Variants in TNS1 observed in about 807,000 individuals in gnomAD.
The protein encoded by TNS1 is tensin-1.
A neutral mutation model predicts 168.6 loss-of-function variants in TNS1; 62 were observed. The ratio of observed to expected loss-of-function variants is 0.37; its 90% confidence interval spans 0.30 to 0.45. TNS1 has a LOEUF of 0.45. Ranked by LOEUF, TNS1 falls within the 20% of genes least tolerant of loss-of-function variation. The probability of loss-of-function intolerance (pLI) is 1.00; values close to 1 mark genes in which losing one functional copy is unlikely to be tolerated. For synonymous variants in TNS1, 934 were observed against 933.2 expected (o/e 1.00, Z -0.02); for missense variants, 2,240 against 2,339.4 (o/e 0.96, Z 0.88).
At chr2:217,899,435 A>G (rs1408336607) in intron 7 of TNS1, among the ~76,000 whole-genome samples, 2 of 152,186 alleles carry the variant, frequency 1.3e-5, no homozygotes, top group Non-Finnish European at 2.9e-5. Context: ...ACACGCACAC[A>G]TACCTGCAAG....
At chr2:217,937,269 C>T (rs1956664553) in intron 3 of TNS1, 3 of 341,646 alleles carry the variant, frequency 8.8e-6, no homozygotes, top group Non-Finnish European at 1.2e-5. Flanking sequence ...GGGTGGATGC[C>T]CTCAAAGGCT....
At chr2:217,888,521 C>T (rs967865503) in intron 12 of TNS1, among the ~76,000 whole-genome samples, 5 of 152,216 alleles carry the variant, frequency 3.3e-5, no homozygotes, top group Admixed American at 3.3e-4. Context: ...GCTGCATCCT[C>T]ACCCAAATCT....
chr2:217,951,232 A>C (rs1292592228), intron 3 of TNS1, among the ~76,000 whole-genome samples: 1 of 152,150 alleles, frequency 6.6e-6, no homozygotes, highest in East Asian at 1.9e-4. Flanking sequence ...TACTGAGTGC[A>C]AGATCTGGCC....
chr2:218,001,891 C>T (rs577897741), intron 1 of TNS1, among the ~76,000 whole-genome samples: 2 of 152,132 alleles, frequency 1.3e-5, no homozygotes, highest in African/African-American at 2.4e-5. Flanking sequence ...GATCACAGCC[C>T]TGAAGCCCCC....
chr2:217,981,119 T>C (rs372167078), intron 2 of TNS1, among the ~76,000 whole-genome samples: 30 of 152,322 alleles, frequency 2.0e-4, no homozygotes, highest in African/African-American at 7.0e-4. Flanking sequence ...CCCCAGCAGC[T>C]AGGACAGTGT....
intron 18 of TNS1, chr2:217,850,628 C>T (rs56391849): frequency 0.43 from 413,990 of 958,522 alleles, 89,283 homozygotes; most frequent in African/African-American, 0.5. Context: ...CACACACGCA[C>T]GCACGCACCT....
At chr2:217,859,795 GA>G (rs1234273895) in intron 18 of TNS1, 2 of 1,036,716 alleles carry the variant, frequency 1.9e-6, no homozygotes, top group African/African-American at 3.2e-5. Flanking sequence ...CCATGCAGCT[GA>G]AAGGCAGGTG....
chr2:217,928,829 A>AC (rs1347812372), intron 3 of TNS1, among the ~76,000 whole-genome samples: 1 of 150,518 alleles, frequency 6.6e-6, no homozygotes, highest in Non-Finnish European at 1.5e-5. Flanking sequence ...CCACTCACTG[A>AC]CCCCCCAGCC....
intron 6 of TNS1, among the ~76,000 whole-genome samples, chr2:217,902,961 A>G (rs1953193888): frequency 6.6e-6 from 1 of 152,168 alleles, no homozygotes; most frequent in African/African-American, 2.4e-5. Flanking sequence ...GAACTCAGAG[A>G]ACAACAAATG....
At chr2:217,870,167 C>T (rs908093340) in intron 18 of TNS1, among the ~76,000 whole-genome samples, 2 of 152,270 alleles carry the variant, frequency 1.3e-5, no homozygotes, top group Admixed American at 6.5e-5. Context: ...AAAGCCAGCC[C>T]CTCTGATCAT....
chr2:217,983,774 T>G (rs945304959), intron 2 of TNS1, among the ~76,000 whole-genome samples: 10 of 152,184 alleles, frequency 6.6e-5, no homozygotes, highest in Non-Finnish European at 1.2e-4. Flanking sequence ...GCCACCTGCC[T>G]GCTCACCGGC....
chr2:217,985,343 T>C (rs1297857140), intron 2 of TNS1: 2 of 152,184 alleles, frequency 1.3e-5, no homozygotes, highest in Non-Finnish European at 2.9e-5. Context: ...CATATATATA[T>C]ATAATCTCAT....
upstream of TNS1, among the ~76,000 whole-genome samples, chr2:218,007,084 G>A (rs1958664947): frequency 6.6e-6 from 1 of 152,010 alleles, no homozygotes; most frequent in Non-Finnish European, 1.5e-5. Flanking sequence ...CTTCCTCCCA[G>A]ACCATCCTGA....
At position 217,821,832 on chromosome 2, in the gene TNS1, G is replaced by C. The variant is rs1942906973; in HGVS notation, c.3480C>G (p.Gly1160=). 1.9e-6 allele frequency: 3 copies of C among 1,578,890 alleles called. No individual in the cohort carries two copies. The East Asian group carries it at 7.0e-5, about 37-fold the overall frequency. ...SFSAPATQAY[G]HEIPLRNGTL... is the part of the protein sequence containing the mutation. ...TCCCGTTCCTCAGGGGTATCTCATGGCCATAGGCCTGGGTGGCTGGAGCAC... is the reference window on the plus strand; with the variant it reads ...TCCCGTTCCTCAGGGGTATCTCATGCCCATAGGCCTGGGTGGCTGGAGCAC... The change falls in exon 23 of 33, where the codon GGC becomes GGG. Residue 1160 remains glycine (G), a synonymous_variant. Coordinates refer to ENST00000682258, the MANE Select transcript of TNS1 (RefSeq NM_001387777.1).
rs1342720754 is a variant in TNS1, at chr2:217,813,163, A to G, written c.4954+52T>C. The G allele has an allele frequency of 6.4e-6, 9 of 1,407,752 alleles. No individual in the cohort carries two copies. The highest frequency in any genetic ancestry group is 2.0e-4 in the Middle Eastern group (1 of 5,028). The allele number at this position is 1,407,752 out of a possible 1,614,324, so 87.2% of individuals were successfully genotyped here. Reference sequence around the variant, plus strand: ...TCAGACCCCTGGAGGAACCCAGGACAGGACCAAGACTCAGGCCAGACTGTA... The same window carrying G: ...TCAGACCCCTGGAGGAACCCAGGACGGGACCAAGACTCAGGCCAGACTGTA... On this transcript the variant is annotated intron_variant, in intron 27 of 32. Coordinates refer to ENST00000682258, the MANE Select transcript of TNS1 (RefSeq NM_001387777.1). The surrounding 1 kb of genome is among the most constrained non-coding windows in gnomAD (Gnocchi z 4.0).
chr2:217,882,871 C>A (rs1435169685), intron 16 of TNS1, among the ~76,000 whole-genome samples: 2 of 152,240 alleles, frequency 1.3e-5, no homozygotes, highest in Admixed American at 1.3e-4. Context: ...TCACAGCTCA[C>A]TGCAACCTCA....
intron 2 of TNS1, among the ~76,000 whole-genome samples, chr2:217,989,804 C>T (rs1222865097): frequency 6.6e-6 from 1 of 152,030 alleles, no homozygotes; most frequent in Non-Finnish European, 1.5e-5. Flanking sequence ...ACACGACTCC[C>T]ACACACCAAC....
intron 11 of TNS1, among the ~76,000 whole-genome samples, 160 bp downstream of exon 11, chr2:217,892,788 C>T (rs1485179890): frequency 1.3e-5 from 2 of 152,170 alleles, no homozygotes; most frequent in Non-Finnish European, 2.9e-5. Flanking sequence ...TCCACAGGCT[C>T]CTGCCTCAGA....
chr2:217,874,343 A>C (rs904281331), intron 18 of TNS1, among the ~76,000 whole-genome samples: 9 of 152,232 alleles, frequency 5.9e-5, no homozygotes, highest in Non-Finnish European at 1.0e-4. Context: ...CCAAGAGAAC[A>C]TACAGTCAGT....
Sources: gnomAD v4.1 joint callset for allele counts (sites outside exome capture counted in the v4.1 genomes callset) on GRCh38, gnomAD v4.1.1 for gene constraint, Gnocchi (gnomAD v3.1) non-coding constraint, MANE v1.5 for transcripts, NCBI Gene and HGNC (gene_info 2026-07-23, HGNC 2026-07-21) for gene names.